POM121L12: variants seen among roughly 807,000 people sequenced by gnomAD.
The protein encoded by POM121L12 is POM121 transmembrane nucleoporin like 12, also known as POM121-like protein 12.
For synonymous variants in POM121L12, 251 were observed against 179.2 expected, an observed-to-expected ratio of 1.40 and a Z score of -3.20; for missense variants, 553 against 409.2, an observed-to-expected ratio of 1.35 and a Z score of -3.03.
In POM121L12 at chr7:53,036,531, T is replaced by A; in HGVS notation, c.860T>A (p.Val287Asp). The change falls in exon 1 of 1, where the codon GTC becomes GAC. Residue 287 changes from valine (V) to aspartate (D), a missense_variant. Val to Asp is a radical substitution (Grantham distance 152). Transcript: ENST00000408890. ...AGTAGGGTCTCCTTCGCCCTCGAGG[T>A]CACCCAGTCTGCTGGCCCCTTTGGC... is the stretch of plus-strand genomic sequence containing the variant. ...SCSRVSFALE[V>D]TQSAGPFGS 6.2e-7 allele frequency: 1 copy of A among 1,612,586 alleles called. No homozygotes were observed. Among genetic ancestry groups the A allele is most frequent in the East Asian group, 2.2e-5 (1 of 44,854 alleles).
In POM121L12 at chr7:53,035,688, C is replaced by T. The variant is rs1271544329; in HGVS notation, c.17C>T (p.Pro6Leu). The T allele has an allele frequency of 2.5e-6, 4 of 1,588,288 alleles. No individual in the cohort carries two copies. In the Admixed American group the frequency reaches 5.3e-5, roughly 21 times the overall value. Residue 6 changes from proline (P) to leucine (L), a missense_variant, in exon 1 of 1, where the codon CCG becomes CTG. Transcript: ENST00000408890. ...CCCCCAGCCATGGGCGCTGCAGCTC[C>T]GGCCGAGTCCGCAGACCTCGGGAAC... MGAAA[P>L]AESADLGNFW...
In POM121L12 at chr7:53,035,655, C is replaced by A. The variant is rs762568123; in HGVS notation, c.-17C>A. The A allele has an allele frequency of 1.3e-6, 2 of 1,538,646 alleles. No homozygotes were observed. Among genetic ancestry groups the A allele is most frequent in the Non-Finnish European group, 8.8e-7 (1 of 1,140,816 alleles). On this transcript the variant is annotated 5_prime_UTR_variant, in exon 1 of 1. Coordinates refer to ENST00000408890, the MANE Select transcript of POM121L12 (RefSeq NM_182595.4). ...TTCGTGCCTTCCAAGCGCCCAGAGG[C>A]CAACGGTCCCCCAGCCATGGGCGCT...
In POM121L12 at chr7:53,036,184, C is replaced by T. The variant is rs757344361; in HGVS notation, c.513C>T (p.Asp171=). The T allele has an allele frequency of 5.0e-6, 8 of 1,611,114 alleles. No homozygotes were observed. In the African/African-American group the frequency reaches 1.1e-4, roughly 22 times the overall value. Residue 171 remains aspartate (D), a synonymous_variant, in exon 1 of 1, where the codon GAC becomes GAT. Coordinates refer to ENST00000408890, the MANE Select transcript of POM121L12 (RefSeq NM_182595.4). ...GCCCCGCCGCCCAGGAGCTCCTGGA[C>T]CCCTGCACCCGGGAGACTCTGCTGG... ...AGRPAAQELL[D]PCTRETLLGA... is the part of the protein sequence containing the mutation.
chr7:53,036,331 G>C lies in POM121L12; in HGVS notation c.660G>C (p.Leu220=), dbSNP rs370982740. 76 of 1,613,902 alleles carry C rather than the reference G, an allele frequency of 4.7e-5. No individual in the cohort carries two copies. The African/African-American group carries it at 9.7e-4, about 21-fold the overall frequency. ...LQPRPSAFKP[L]SKNGAVASFV... is the part of the protein sequence containing the mutation. ...CCCGGCCCTCTGCCTTCAAGCCCCT[G>C]AGCAAAAATGGAGCGGTTGCTTCCT... Residue 220 remains leucine, a synonymous_variant, in exon 1 of 1, where the codon CTG becomes CTC. Coordinates refer to ENST00000408890, the MANE Select transcript of POM121L12 (RefSeq NM_182595.4).
Position 53,036,555 on chromosome 7 carries a change from G to A in POM121L12, c.884G>A (p.Gly295Asp), listed in dbSNP as rs1450181435. Residue 295 changes from glycine (G) to aspartate (D), a missense_variant, in exon 1 of 1, where the codon GGC becomes GAC. Coordinates refer to ENST00000408890, the MANE Select transcript of POM121L12 (RefSeq NM_182595.4). ...LEVTQSAGPF[G>D]S is the part of the protein sequence containing the mutation. The stretch of plus-strand genomic sequence containing the variant: ...GTCACCCAGTCTGCTGGCCCCTTTG[G>A]CTCCTAAGAATCTGGGCTCTGCTAC... 3 of 1,604,166 alleles carry A rather than the reference G, an allele frequency of 1.9e-6. No individual in the cohort carries two copies. Among genetic ancestry groups the A allele is most frequent in the Non-Finnish European group, 1.7e-6 (2 of 1,175,310 alleles).
At position 53,036,521 on chromosome 7, in the gene POM121L12, G is replaced by A. The variant is rs574498933; in HGVS notation, c.850G>A (p.Ala284Thr). The A allele has an allele frequency of 3.1e-6, 5 of 1,613,362 alleles. No individual in the cohort carries two copies. Among genetic ancestry groups the A allele is most frequent in the African/African-American group, 2.7e-5 (2 of 75,018 alleles). The change falls in exon 1 of 1, where the codon GCC (alanine) becomes ACC (threonine). Residue 284 changes from alanine to threonine, a missense_variant. Coordinates refer to ENST00000408890, the MANE Select transcript of POM121L12 (RefSeq NM_182595.4). The part of the protein sequence containing the change: ...SCGSCSRVSF[A>T]LEVTQSAGPF... ...CGGCAGCTGCAGTAGGGTCTCCTTC[G>A]CCCTCGAGGTCACCCAGTCTGCTGG...
Position 53,036,108 on chromosome 7 carries a change from G to A in POM121L12, c.437G>A (p.Arg146His), listed in dbSNP as rs200929126. Reference sequence around the variant, plus strand: ...ACCATCGGGATCGCGCCCCCTGAGCGTCAGGAGAGCCCCTGGAGATCCCCT... The same window carrying A: ...ACCATCGGGATCGCGCCCCCTGAGCATCAGGAGAGCCCCTGGAGATCCCCT... Reference protein sequence around the residue: ...PVTIGIAPPERQESPWRSPGQ... With the variant: ...PVTIGIAPPEHQESPWRSPGQ... The change falls in exon 1 of 1, where the codon CGT becomes CAT. Residue 146 changes from arginine (R) to histidine (H), a missense_variant. Arg to His is a conservative substitution (Grantham distance 29). Transcript: ENST00000408890. 31 of 1,611,924 alleles carry A rather than the reference G, an allele frequency of 1.9e-5. No individual in the cohort carries two copies. The highest frequency in any genetic ancestry group is 1.7e-4 in the Middle Eastern group (1 of 6,004).
chr7:53,036,511 G>T lies in POM121L12; in HGVS notation c.840G>T (p.Arg280Ser), dbSNP rs369442772. 6.2e-7 allele frequency: 1 copy of T among 1,613,668 alleles called. No individual in the cohort carries two copies. The highest frequency in any genetic ancestry group is 1.1e-5 in the South Asian group (1 of 91,052). ...CGCCTTCCTGCGGCAGCTGCAGTAG[G>T]GTCTCCTTCGCCCTCGAGGTCACCC... ...ATTPSCGSCSRVSFALEVTQS... is the reference protein window; with the variant it reads ...ATTPSCGSCSSVSFALEVTQS... Residue 280 changes from arginine (R) to serine (S), a missense_variant, in exon 1 of 1, where the codon AGG becomes AGT. By Grantham distance (110) the Arg-to-Ser change is moderately radical. Coordinates refer to ENST00000408890, the MANE Select transcript of POM121L12 (RefSeq NM_182595.4).
rs747363850 is a variant in POM121L12, at chr7:53,036,195, G to T, written c.524G>T (p.Arg175Leu). 55 of 1,611,568 alleles carry T rather than the reference G, an allele frequency of 3.4e-5. No homozygotes were observed. In the Admixed American group the frequency reaches 5.5e-4, roughly 16 times the overall value. Residue 175 changes from arginine (R) to leucine (L), a missense_variant, in exon 1 of 1, where the codon CGG becomes CTG. Arg to Leu is a moderately radical substitution (Grantham distance 102, BLOSUM62 -2). Transcript: ENST00000408890. ...AAQELLDPCT[R>L]ETLLGALSQC... ...CAGGAGCTCCTGGACCCCTGCACCC[G>T]GGAGACTCTGCTGGGGGCGCTCAGC...
rs1583692780 is a variant in POM121L12 at position 53,036,643 on chromosome 7, C to T, written c.*81C>T. 3.4e-6 allele frequency: 5 copies of T among 1,450,836 alleles called. No homozygotes were observed. The highest frequency in any genetic ancestry group is 3.7e-4 in the Middle Eastern group (2 of 5,466). The allele number at this position is 1,450,836 out of a possible 1,614,324, so 89.9% of individuals were successfully genotyped here. A position where few individuals can be genotyped will look rare whatever the true frequency, so the allele number is the denominator to read the frequency against. ...CTTGCTCATCCTTGCTCTACCTCAACGTGGGGCCCTGACACCACGTTATCA... is the reference window on the plus strand; with the variant it reads ...CTTGCTCATCCTTGCTCTACCTCAATGTGGGGCCCTGACACCACGTTATCA... On this transcript the variant is annotated 3_prime_UTR_variant, in exon 1 of 1. Coordinates refer to ENST00000408890, the MANE Select transcript of POM121L12 (RefSeq NM_182595.4).
chr7:53,036,507 GTA>G, the POM121L12 span: 2 of 1,613,972 alleles, frequency 1.2e-6, no homozygotes, highest in South Asian at 2.2e-5. Context: ...GGCAGCTGCA[GTA>G]GGGTCTCCTT....
Position 53,036,132 on chromosome 7 carries a change from C to G in POM121L12, c.461C>G (p.Pro154Arg). 6.2e-7 allele frequency: 1 copy of G among 1,611,384 alleles called. No individual in the cohort carries two copies. Residue 154 changes from proline (P) to arginine (R), a missense_variant, in exon 1 of 1, where the codon CCT (proline) becomes CGT (arginine). By Grantham distance (103) the Pro-to-Arg change is moderately radical. Transcript: ENST00000408890. ...PERQESPWRS[P>R]GQRARPAGRP... ...CGTCAGGAGAGCCCCTGGAGATCCC[C>G]TGGACAGAGAGCCCGCCCCGCAGGC...
Position 53,036,673 on chromosome 7 carries a change from T to G in POM121L12, c.*111T>G, listed in dbSNP as rs1164092025. 9 of 1,212,802 alleles carry G rather than the reference T, an allele frequency of 7.4e-6. No homozygotes were observed. The highest frequency in any genetic ancestry group is 9.3e-6 in the Non-Finnish European group (8 of 862,798). 75.1% of individuals were successfully genotyped at this position (1,212,802 alleles called of 1,614,324 possible). On this transcript the variant is annotated 3_prime_UTR_variant, in exon 1 of 1. Transcript: ENST00000408890. The stretch of plus-strand genomic sequence containing the variant: ...GGCCCTGACACCACGTTATCAAACA[T>G]GCAGCCCCCACACCCCTCGTCTGCC...
At chr7:53,036,505 C>A in the POM121L12 span, 1 of 1,613,942 alleles carries the variant, frequency 6.2e-7, no homozygotes. Flanking sequence ...GCGGCAGCTG[C>A]AGTAGGGTCT....
At position 53,036,284 on chromosome 7, in the gene POM121L12, G is replaced by T. The variant is rs115225886; in HGVS notation, c.613G>T (p.Gly205Cys). 3.4e-3 allele frequency: 5,423 copies of T among 1,614,080 alleles called. 166 individuals are homozygous for T. In the African/African-American group the frequency reaches 0.065, roughly 19 times the overall value. ...GTGGTTCGAGGTCTCAGACAGCAAGGGTGGCAGGCGGAACCTGCAGCCCCG... is the reference window on the plus strand; with the variant it reads ...GTGGTTCGAGGTCTCAGACAGCAAGTGTGGCAGGCGGAACCTGCAGCCCCG... ...PLWFEVSDSK[G>C]GRRNLQPRPS... Residue 205 changes from glycine (G) to cysteine (C), a missense_variant, in exon 1 of 1, where the codon GGT becomes TGT. Coordinates refer to ENST00000408890, the MANE Select transcript of POM121L12 (RefSeq NM_182595.4).
In POM121L12 at chr7:53,035,735, C is replaced by T. The variant is rs750435833; in HGVS notation, c.64C>T (p.Leu22=). The T allele has an allele frequency of 1.2e-6, 2 of 1,612,718 alleles. No individual in the cohort carries two copies. The highest frequency in any genetic ancestry group is 1.1e-5 in the South Asian group (1 of 90,938). ...GAACTTCTGGAAGGCGGGAGAACCCCTGCTGCAAGGCCCCGACGCCCTGGC... is the reference window on the plus strand; with the variant it reads ...GAACTTCTGGAAGGCGGGAGAACCCTTGCTGCAAGGCCCCGACGCCCTGGC... The part of the protein sequence containing the change: ...LGNFWKAGEP[L]LQGPDALAAP... Residue 22 remains leucine (L), a synonymous_variant, in exon 1 of 1, where the codon CTG becomes TTG. Transcript: ENST00000408890.
At position 53,036,651 on chromosome 7, in the gene POM121L12, C is replaced by T. The variant is rs138941526; in HGVS notation, c.*89C>T. 1.2e-3 allele frequency: 1,651 copies of T among 1,389,894 alleles called. 18 individuals are homozygous for T. In the African/African-American group the frequency reaches 0.019, roughly 16 times the overall value. The allele number at this position is 1,389,894 out of a possible 1,614,324, so 86.1% of individuals were successfully genotyped here. On this transcript the variant is annotated 3_prime_UTR_variant, in exon 1 of 1. Transcript: ENST00000408890. ...TCCTTGCTCTACCTCAACGTGGGGC[C>T]CTGACACCACGTTATCAAACATGCA...
At position 53,036,647 on chromosome 7, in the gene POM121L12, G is replaced by A; in HGVS notation, c.*85G>A. 2 of 1,425,284 alleles carry A rather than the reference G, an allele frequency of 1.4e-6. No individual in the cohort carries two copies. The highest frequency in any genetic ancestry group is 2.3e-5 in the East Asian group (1 of 43,436). The allele number at this position is 1,425,284 out of a possible 1,614,324, so 88.3% of individuals were successfully genotyped here. ...CTCATCCTTGCTCTACCTCAACGTGGGGCCCTGACACCACGTTATCAAACA... is the reference window on the plus strand; with the variant it reads ...CTCATCCTTGCTCTACCTCAACGTGAGGCCCTGACACCACGTTATCAAACA... On this transcript the variant is annotated 3_prime_UTR_variant, in exon 1 of 1. Transcript: ENST00000408890.
Position 53,035,863 on chromosome 7 carries a change from G to T in POM121L12, c.192G>T (p.Gln64His), listed in dbSNP as rs751021522. The stretch of plus-strand genomic sequence containing the variant: ...GGTCCCTGACTCAGAGCCATATTCA[G>T]TACTTCCAGTGGGGGCGCCCGGTGC... Reference protein sequence around the residue: ...PLRSLTQSHIQYFQWGRPVPS... With the variant: ...PLRSLTQSHIHYFQWGRPVPS... The change falls in exon 1 of 1, where the codon CAG becomes CAT. Residue 64 changes from glutamine (Q) to histidine (H), a missense_variant. Gln to His is a conservative substitution (Grantham distance 24). Coordinates refer to ENST00000408890, the MANE Select transcript of POM121L12 (RefSeq NM_182595.4). 1.1e-5 allele frequency: 17 copies of T among 1,613,388 alleles called. No individual in the cohort carries two copies. In the South Asian group the frequency reaches 1.8e-4, roughly 17 times the overall value.
Sources: gnomAD v4.1 joint callset for allele counts on GRCh38, gnomAD v4.1.1 for gene constraint, MANE v1.5 for transcripts, NCBI Gene and HGNC (gene_info 2026-07-23, HGNC 2026-07-21) for gene names.